NHLRC2: variants seen among roughly 807,000 people sequenced by gnomAD.
NHLRC2 encodes the protein NHL repeat containing 2, also known as NHL repeat-containing protein 2.
In NHLRC2, 33 loss-of-function variants were observed where a neutral mutation model predicts 68.1. The ratio of observed to expected loss-of-function variants is 0.48; its 90% confidence interval spans 0.37 to 0.65. The LOEUF (loss-of-function observed/expected upper bound fraction) is 0.65. Among genes scored for constraint, NHLRC2 ranks in the 30% least tolerant of loss-of-function variants. NHLRC2 has a pLI of 0.00. For missense variants in NHLRC2, 761 were observed against 853.8 expected (o/e 0.89, Z 1.35); for synonymous variants, 311 against 309.6 (o/e 1.00, Z -0.05).
In NHLRC2 at chr10:113,884,591, T is replaced by C. The variant is rs1325642727; in HGVS notation, c.1039+211T>C. On this transcript the variant is annotated intron_variant, in intron 5 of 10. Coordinates refer to ENST00000369301, the MANE Select transcript of NHLRC2 (RefSeq NM_198514.4). ...GAGTATGTATTATATATATTACATA[T>C]TTTATCTATAAGATAGACTATGTGT... 5.3e-5 allele frequency among the ~76,000 whole-genome samples: 8 copies of C among 151,262 alleles called. No individual in the cohort carries two copies. In the East Asian group the frequency reaches 1.5e-3, roughly 29 times the overall value.
At chr10:113,877,557 C>T (rs910820904) in intron 3 of NHLRC2, among the ~76,000 whole-genome samples, 3 of 152,086 alleles carry the variant, frequency 2.0e-5, no homozygotes. Context: ...TCATTTTGTT[C>T]TATATCTCCC....
Position 113,908,308 on chromosome 10 carries a change from A to T in NHLRC2, c.1953A>T (p.Ile651=). 6.2e-7 allele frequency: 1 copy of T among 1,613,454 alleles called. No homozygotes were observed. Among genetic ancestry groups the T allele is most frequent in the South Asian group, 1.1e-5 (1 of 91,072 alleles). Residue 651 remains isoleucine (I), a synonymous_variant, in exon 11 of 11, where the codon ATA becomes ATT. Transcript: ENST00000369301. The part of the protein sequence containing the change: ...EGNEWLLQGQ[I]AAGDIENISS... ...ATGAATGGCTACTTCAAGGACAGAT[A>T]GCAGCTGGAGATATAGAGAACATTT...
chr10:113,868,757 G>A (rs1169569363), intron 2 of NHLRC2, among the ~76,000 whole-genome samples: 1 of 152,186 alleles, frequency 6.6e-6, no homozygotes, highest in Non-Finnish European at 1.5e-5. Flanking sequence ...CTGCTATGAT[G>A]ACATTATAGA....
intron 5 of NHLRC2, among the ~76,000 whole-genome samples, chr10:113,897,899 ATTG>A (rs748733226): frequency 1.7e-4 from 26 of 152,224 alleles, no homozygotes; most frequent in Non-Finnish European, 3.2e-4. Flanking sequence ...TTCCTGTGAA[ATTG>A]TTGTGGGTAA....
chr10:113,867,061 G>T (rs905697982), intron 2 of NHLRC2, among the ~76,000 whole-genome samples: 1 of 152,170 alleles, frequency 6.6e-6, no homozygotes, highest in Non-Finnish European at 1.5e-5. Flanking sequence ...GGCAGCTTCT[G>T]CCTGCTGTCA....
intron 5 of NHLRC2, among the ~76,000 whole-genome samples, chr10:113,893,914 T>C (rs140155647): frequency 3.3e-5 from 5 of 152,296 alleles, no homozygotes; most frequent in East Asian, 3.9e-4. Context: ...CTCACCCTTA[T>C]GAGATTTTCT....
At chr10:113,902,714 ACAACTATAACCCAGC>A in intron 8 of NHLRC2, 121 bp downstream of exon 8, 1 of 845,464 alleles carries the variant, frequency 1.2e-6, no homozygotes, top group Non-Finnish European at 1.9e-6. Flanking sequence ...ACAGTCTTTG[ACAACTATAACCCAGC>A]CTGTTCTGCT....
At chr10:113,906,212 CAG>C (rs981856708) in intron 10 of NHLRC2, among the ~76,000 whole-genome samples, 3 of 152,122 alleles carry the variant, frequency 2.0e-5, no homozygotes, top group Non-Finnish European at 2.9e-5. Flanking sequence ...AGGATATTGA[CAG>C]ATTAACATTG....
chr10:113,882,157 G>A (rs1051906722), intron 4 of NHLRC2, among the ~76,000 whole-genome samples: 2 of 151,630 alleles, frequency 1.3e-5, no homozygotes, highest in Admixed American at 1.3e-4. Context: ...GAATAATCTT[G>A]CTGTGAGCAT....
intron 2 of NHLRC2, among the ~76,000 whole-genome samples, chr10:113,876,020 C>A (rs1845976393): frequency 6.8e-6 from 1 of 147,020 alleles, no homozygotes. Flanking sequence ...AAGAACCATA[C>A]AATAGGAATT....
chr10:113,855,066 C>CG lies in NHLRC2; in HGVS notation c.178+20dup. 6.5e-7 allele frequency: 1 copy of CG among 1,548,924 alleles called. No individual in the cohort carries two copies. Among genetic ancestry groups the CG allele is most frequent in the South Asian group, 1.2e-5 (1 of 83,962 alleles). On this transcript the variant is annotated intron_variant, in intron 1 of 10. Coordinates refer to ENST00000369301, the MANE Select transcript of NHLRC2 (RefSeq NM_198514.4). ...TTTCCGGAAGGTGAGGGGCTGGCGTCGGGGTGGGGGCCCCTCCCGGCACCT... is the reference window on the plus strand; with the variant it reads ...TTTCCGGAAGGTGAGGGGCTGGCGTCGGGGGTGGGGGCCCCTCCCGGCACCT...
intron 1 of NHLRC2, among the ~76,000 whole-genome samples, chr10:113,855,591 C>T (rs1462230129): frequency 1.3e-5 from 2 of 152,146 alleles, no homozygotes; most frequent in Admixed American, 1.3e-4. Context: ...CCTCAGCCTC[C>T]GGAGTAGCTG....
At chr10:113,894,571 CCTT>C (rs1461541620) in intron 5 of NHLRC2, among the ~76,000 whole-genome samples, 2 of 151,630 alleles carry the variant, frequency 1.3e-5, no homozygotes, top group Non-Finnish European at 2.9e-5. Flanking sequence ...GCTTCTTTTT[CCTT>C]CTTTGTTGCA....
At chr10:113,906,604 T>C (rs1343444595) in intron 10 of NHLRC2, among the ~76,000 whole-genome samples, 3 of 152,196 alleles carry the variant, frequency 2.0e-5, no homozygotes, top group South Asian at 2.1e-4. Flanking sequence ...GTGTGTGATA[T>C]ATATGACAAA....
At chr10:113,879,716 G>T in intron 4 of NHLRC2, 21 bp downstream of exon 4, 1 of 1,399,456 alleles carries the variant, frequency 7.1e-7, no homozygotes, top group East Asian at 2.4e-5. Flanking sequence ...TTTTAAATTT[G>T]TTTTAATACT....
chr10:113,906,791 C>T (rs959536804), intron 10 of NHLRC2, among the ~76,000 whole-genome samples: 3 of 152,168 alleles, frequency 2.0e-5, no homozygotes, highest in African/African-American at 4.8e-5. Flanking sequence ...AGATCGAGAC[C>T]ATCCTGGCTA....
In NHLRC2 at chr10:113,915,598, T is replaced by C; in HGVS notation, c.*7062T>C. The stretch of plus-strand genomic sequence containing the variant: ...AAGTAGACAAAATCAGCTCTCAGAC[T>C]TAACTCTCCCCAATTAAAATAGTTT... On this transcript the variant is annotated 3_prime_UTR_variant, in exon 11 of 11. Coordinates refer to ENST00000369301, the MANE Select transcript of NHLRC2 (RefSeq NM_198514.4). The C allele has an allele frequency of 4.2e-6, 1 of 237,266 alleles. No homozygotes were observed. Among genetic ancestry groups the C allele is most frequent in the Non-Finnish European group, 8.3e-6 (1 of 120,716 alleles). The allele number at this position is 237,266 out of a possible 1,614,324, so 14.7% of individuals were successfully genotyped here.
intron 2 of NHLRC2, among the ~76,000 whole-genome samples, chr10:113,860,104 C>T (rs1283319640): frequency 6.6e-6 from 1 of 152,120 alleles, no homozygotes; most frequent in Non-Finnish European, 1.5e-5. Flanking sequence ...CATTGTATAG[C>T]GTTCTTAATA....
At chr10:113,863,069 T>C (rs991291015) in intron 2 of NHLRC2, among the ~76,000 whole-genome samples, 1 of 152,050 alleles carries the variant, frequency 6.6e-6, no homozygotes, top group Non-Finnish European at 1.5e-5. Context: ...GAACAAAAAT[T>C]GACAGAATTG....
Sources: allele counts gnomAD v4.1 joint callset (sites outside exome capture counted in the v4.1 genomes callset), GRCh38; gene constraint gnomAD v4.1.1; transcripts MANE v1.5; gene names NCBI Gene and HGNC (gene_info 2026-07-23, HGNC 2026-07-21).